The following ZNF804B variants were observed in gnomAD, a reference collection of about 807,000 sequenced individuals.
ZNF804B encodes zinc finger 804B.
In ZNF804B, 80 loss-of-function variants were observed where a neutral mutation model predicts 101.4. The ratio of observed to expected loss-of-function variants is 0.79; its 90% CI spans 0.66 to 0.95. The LOEUF (loss-of-function observed/expected upper bound fraction) is 0.95, where lower values mean the gene tolerates loss of function less well. Among genes scored for constraint, ZNF804B ranks in the 40% least tolerant of loss-of-function variants. ZNF804B has a pLI of 0.00. For missense variants in ZNF804B, 1,673 were observed against 1,561.9 expected, an observed-to-expected ratio of 1.07 and a Z score of -1.20; for synonymous variants, 622 against 558.8, an observed-to-expected ratio of 1.11 and a Z score of -1.59.
chr7:89,113,814 G>T (rs983735886), intron 1 of ZNF804B, among the ~76,000 whole-genome samples: 4 of 151,944 alleles, frequency 2.6e-5, no homozygotes, highest in Non-Finnish European at 4.4e-5. Context: ...AGCCGGACAT[G>T]GTGGCATGCC....
chr7:88,894,842 A>AG (rs941337339), intron 1 of ZNF804B, among the ~76,000 whole-genome samples: 1 of 151,992 alleles, frequency 6.6e-6, no homozygotes, highest in African/African-American at 2.4e-5. Flanking sequence ...AGGTTTGGGG[A>AG]GGGGGGTGGT....
intron 1 of ZNF804B, among the ~76,000 whole-genome samples, chr7:88,868,345 A>G (rs976883802): frequency 6.6e-6 from 1 of 152,168 alleles, no homozygotes; most frequent in East Asian, 1.9e-4. Context: ...TTATTAAAGA[A>G]CAAGAACCTG....
chr7:89,219,852 A>C (rs13234152), intron 2 of ZNF804B, among the ~76,000 whole-genome samples: 1 of 143,098 alleles, frequency 7.0e-6, no homozygotes, highest in African/African-American at 2.6e-5. Context: ...ATGTATATAT[A>C]TGTATATATG....
intron 1 of ZNF804B, among the ~76,000 whole-genome samples, chr7:88,815,533 C>T (rs558622510): frequency 6.6e-5 from 10 of 151,906 alleles, no homozygotes; most frequent in African/African-American, 1.9e-4. Flanking sequence ...ACCAATCTCA[C>T]ATTGTTGCTG....
chr7:88,800,692 T>G (rs890747672), intron 1 of ZNF804B, among the ~76,000 whole-genome samples: 2 of 146,596 alleles, frequency 1.4e-5, no homozygotes, highest in Admixed American at 6.8e-5. Context: ...TAGATATGAT[T>G]TGTGTGTGTG....
intron 2 of ZNF804B, among the ~76,000 whole-genome samples, chr7:89,275,952 A>C (rs1179332100): frequency 6.6e-6 from 1 of 151,910 alleles, no homozygotes; most frequent in Admixed American, 6.6e-5. Flanking sequence ...AGATAAAAAA[A>C]TGTGGTACAT....
chr7:88,798,314 T>A (rs1790522780), intron 1 of ZNF804B, among the ~76,000 whole-genome samples: 3 of 152,126 alleles, frequency 2.0e-5, no homozygotes, highest in Admixed American at 2.0e-4. Context: ...TGATATTTCA[T>A]CATGATAAAC....
At chr7:89,097,293 C>T (rs1315165216) in intron 1 of ZNF804B, among the ~76,000 whole-genome samples, 1 of 152,158 alleles carries the variant, frequency 6.6e-6, no homozygotes, top group Non-Finnish European at 1.5e-5. Flanking sequence ...TTGTACATGG[C>T]TCACAGATCA....
chr7:88,766,543 T>C (rs1039545759), intron 1 of ZNF804B, among the ~76,000 whole-genome samples: 3 of 152,194 alleles, frequency 2.0e-5, no homozygotes, highest in Non-Finnish European at 4.4e-5. Flanking sequence ...TTTTCTTCTT[T>C]GGCTGGGAGG....
intron 1 of ZNF804B, among the ~76,000 whole-genome samples, chr7:89,056,171 A>G (rs751328198): frequency 2.0e-5 from 3 of 152,016 alleles, no homozygotes; most frequent in Non-Finnish European, 4.4e-5. Flanking sequence ...GAGTCCCAAC[A>G]AAAGGGATGG....
chr7:88,763,943 G>A (rs1424173483), intron 1 of ZNF804B, among the ~76,000 whole-genome samples: 2 of 152,116 alleles, frequency 1.3e-5, no homozygotes, highest in Non-Finnish European at 2.9e-5. Flanking sequence ...TGAAAAGTTG[G>A]CTGCTCAATT....
chr7:88,901,588 C>A (rs1004668588), intron 1 of ZNF804B, among the ~76,000 whole-genome samples: 6 of 151,468 alleles, frequency 4.0e-5, no homozygotes, highest in African/African-American at 1.5e-4. Context: ...TCTGCCATCA[C>A]TCATCTAGAT....
At chr7:89,307,585 G>T (rs1410686358) in intron 2 of ZNF804B, among the ~76,000 whole-genome samples, 3 of 151,922 alleles carry the variant, frequency 2.0e-5, no homozygotes, top group African/African-American at 7.2e-5. Flanking sequence ...CTTTTCAAGA[G>T]ATTTTGCATT....
chr7:89,253,790 C>T (rs1789579871), intron 2 of ZNF804B, among the ~76,000 whole-genome samples: 1 of 152,074 alleles, frequency 6.6e-6, no homozygotes, highest in Non-Finnish European at 1.5e-5. Context: ...TTATTTGCAT[C>T]TCAATCCATC....
chr7:88,932,205 T>C (rs1409528780), intron 1 of ZNF804B, among the ~76,000 whole-genome samples: 1 of 151,790 alleles, frequency 6.6e-6, no homozygotes, highest in Non-Finnish European at 1.5e-5. Context: ...GCAAGGTCTG[T>C]GCATTCAGAT....
chr7:88,806,269 A>T (rs1451808466), intron 1 of ZNF804B, among the ~76,000 whole-genome samples: 1 of 152,130 alleles, frequency 6.6e-6, no homozygotes, highest in Non-Finnish European at 1.5e-5. Flanking sequence ...TATTTGGATT[A>T]CCCAGTCCTT....
intron 1 of ZNF804B, among the ~76,000 whole-genome samples, chr7:88,782,227 T>A (rs2115662320): frequency 6.6e-6 from 1 of 151,772 alleles, no homozygotes; most frequent in Non-Finnish European, 1.5e-5. Context: ...CTCAGGGAAC[T>A]ATGGAAAGAT....
intron 1 of ZNF804B, among the ~76,000 whole-genome samples, chr7:89,170,771 T>C (rs1791211644): frequency 6.6e-6 from 1 of 152,234 alleles, no homozygotes. Flanking sequence ...TCAGCTCTGC[T>C]TCAACACTTT....
intron 1 of ZNF804B, among the ~76,000 whole-genome samples, chr7:89,009,943 T>C (rs757781174): frequency 1.3e-5 from 2 of 152,226 alleles, no homozygotes; most frequent in Non-Finnish European, 2.9e-5. Flanking sequence ...TAATTCCCTA[T>C]ACACATTTTT....
Sources: gnomAD v4.1 joint callset for allele counts (sites outside exome capture counted in the v4.1 genomes callset) on GRCh38, gnomAD v4.1.1 for gene constraint, MANE v1.5 for transcripts, NCBI Gene and HGNC (gene_info 2026-07-23, HGNC 2026-07-21) for gene names.